The following UBE2D4 variants were observed in gnomAD, a reference collection of about 807,000 sequenced individuals.
The protein encoded by UBE2D4 is ubiquitin conjugating enzyme E2 D4.
In UBE2D4, 17 loss-of-function variants were observed where a neutral mutation model predicts 23.0. The ratio of observed to expected loss-of-function variants is 0.74; its 90% confidence interval spans 0.51 to 1.11. The LOEUF is 1.11. Among genes scored for constraint, UBE2D4 ranks in the 50% least tolerant of loss-of-function variants. The probability of loss-of-function intolerance (pLI) is 0.00; values close to 1 mark genes in which losing one functional copy is unlikely to be tolerated. For synonymous variants in UBE2D4, 61 were observed against 69.4 expected (o/e 0.88, Z 0.60); for missense variants, 139 against 181.8 (o/e 0.76, Z 1.35).
At chr7:43,943,157 C>A in intron 4 of UBE2D4, 126 bp downstream of exon 4, 2 of 916,234 alleles carry the variant, frequency 2.2e-6, no homozygotes, top group Non-Finnish European at 1.8e-6. Flanking sequence ...ACTGCTCCAC[C>A]CTGTGGTGAG....
At position 43,942,976 on chromosome 7, in the gene UBE2D4, G is replaced by A; in HGVS notation, c.143G>A (p.Gly48Asp). 1 of 1,614,168 alleles carries A rather than the reference G, an allele frequency of 6.2e-7. No individual in the cohort carries two copies. The highest frequency in any genetic ancestry group is 8.5e-7 in the Non-Finnish European group (1 of 1,180,024). Residue 48 changes from glycine to aspartate, a missense_variant, in exon 4 of 7, where the codon GGT becomes GAT. Gly to Asp is a moderately conservative substitution (Grantham distance 94). Coordinates refer to ENST00000222402, the MANE Select transcript of UBE2D4 (RefSeq NM_015983.4). Reference protein sequence around the residue: ...MGPNDSPYQGGVFFLTIHFPT... With the variant: ...MGPNDSPYQGDVFFLTIHFPT... ...CAGAATGACAGTCCTTACCAAGGAG[G>A]TGTTTTCTTCCTGACCATCCACTTT...
At chr7:43,938,165 G>A (rs2095962714) in intron 1 of UBE2D4, among the ~76,000 whole-genome samples, 1 of 152,068 alleles carries the variant, frequency 6.6e-6, no homozygotes, top group Non-Finnish European at 1.5e-5. Flanking sequence ...TTCTTGCCCT[G>A]CCCTCTTCCA....
chr7:43,946,553 G>A (rs531831123), intron 4 of UBE2D4, among the ~76,000 whole-genome samples: 6 of 151,978 alleles, frequency 3.9e-5, no homozygotes, highest in Non-Finnish European at 5.9e-5. Flanking sequence ...AGACCTTTCC[G>A]TGAATCTGCA....
chr7:43,938,564 G>C (rs564996507), intron 2 of UBE2D4, 70 bp downstream of exon 2: 1 of 1,478,708 alleles, frequency 6.8e-7, no homozygotes, highest in African/African-American at 1.4e-5. Flanking sequence ...GGCCAGGTGC[G>C]GTGGCTCACG....
At chr7:43,932,725 G>A (rs1319167469) in intron 1 of UBE2D4, among the ~76,000 whole-genome samples, 1 of 151,850 alleles carries the variant, frequency 6.6e-6, no homozygotes, top group East Asian at 1.9e-4. Flanking sequence ...CCCAGGAGAT[G>A]GAGGTTGCAG....
chr7:43,933,728 A>C (rs1261395685), intron 1 of UBE2D4, among the ~76,000 whole-genome samples: 1 of 152,196 alleles, frequency 6.6e-6, no homozygotes, highest in Non-Finnish European at 1.5e-5. Context: ...TGGGCAACAC[A>C]GTGAGACCCT....
In UBE2D4 at chr7:43,948,863, G is replaced by A; in HGVS notation, c.304+126G>A. ...CCCAGGTCACATAGCCCTGTCCACTGCTGTGCCCTTAAGTGGATATCCTTA... is the reference window on the plus strand; with the variant it reads ...CCCAGGTCACATAGCCCTGTCCACTACTGTGCCCTTAAGTGGATATCCTTA... On this transcript the variant is annotated intron_variant, in intron 5 of 6. Transcript: ENST00000222402. The A allele has an allele frequency of 4.1e-6, 3 of 726,086 alleles. No individual in the cohort carries two copies. In the South Asian group the frequency reaches 4.7e-5, roughly 11 times the overall value. The allele number at this position is 726,086 out of a possible 1,614,324, so 45.0% of individuals were successfully genotyped here. A position where few individuals can be genotyped will look rare whatever the true frequency, so the allele number is the denominator to read the frequency against.
chr7:43,926,672 G>A lies in UBE2D4; in HGVS notation c.24+116G>A, dbSNP rs529534021. ...GGCTCCGCGAGTCGCGGATACACCT[G>A]CCTGGGAAGGAGGCAGAACAGCCTC... On this transcript the variant is annotated intron_variant, in intron 1 of 6. Coordinates refer to ENST00000222402, the MANE Select transcript of UBE2D4 (RefSeq NM_015983.4). The A allele has an allele frequency of 3.7e-5, 42 of 1,148,580 alleles. No homozygotes were observed. The Admixed American group carries it at 1.3e-3, about 36-fold the overall frequency. 71.1% of individuals were successfully genotyped at this position (1,148,580 alleles called of 1,614,324 possible).
chr7:43,927,531 C>G (rs1157802971), intron 1 of UBE2D4, among the ~76,000 whole-genome samples: 1 of 152,140 alleles, frequency 6.6e-6, no homozygotes, highest in Non-Finnish European at 1.5e-5. Context: ...TCTCATACTC[C>G]TGGGCTTAAG....
chr7:43,938,377 T>C (rs751788479), intron 1 of UBE2D4, 54 bp from the exon 2 acceptor site: 1 of 1,545,372 alleles, frequency 6.5e-7, no homozygotes, highest in Non-Finnish European at 8.9e-7. Context: ...GATTGGTATG[T>C]AGAGGCAGCA....
chr7:43,946,856 C>A (rs947339637), intron 4 of UBE2D4, among the ~76,000 whole-genome samples: 1 of 151,824 alleles, frequency 6.6e-6, no homozygotes, highest in Non-Finnish European at 1.5e-5. Flanking sequence ...GGCAGAGGGT[C>A]CACGGCCTGA....
chr7:43,931,616 G>GC (rs1225000567), intron 1 of UBE2D4, among the ~76,000 whole-genome samples: 5 of 138,374 alleles, frequency 3.6e-5, no homozygotes, highest in Non-Finnish European at 7.9e-5. Flanking sequence ...GGGGTGGGGG[G>GC]GCGGGGGGGG....
chr7:43,928,219 C>T (rs2095937319), intron 1 of UBE2D4: 1 of 305,282 alleles, frequency 3.3e-6, no homozygotes, highest in South Asian at 2.5e-5. Context: ...CCAAGCCATT[C>T]ATGAGGAATC....
At chr7:43,937,797 A>G (rs2095961771) in intron 1 of UBE2D4, among the ~76,000 whole-genome samples, 1 of 152,166 alleles carries the variant, frequency 6.6e-6, no homozygotes, top group Non-Finnish European at 1.5e-5. Flanking sequence ...TTGGTGTCCC[A>G]TAAAGGGAAT....
chr7:43,936,548 A>G (rs1248631610), intron 1 of UBE2D4, among the ~76,000 whole-genome samples: 1 of 152,126 alleles, frequency 6.6e-6, no homozygotes, highest in Non-Finnish European at 1.5e-5. Flanking sequence ...TGTGCACAGG[A>G]TATACAGGGA....
chr7:43,949,329 G>A (rs1269619015), intron 5 of UBE2D4: 2 of 152,470 alleles, frequency 1.3e-5, no homozygotes, highest in African/African-American at 4.8e-5. Flanking sequence ...GCAGTATCCT[G>A]GCAGGTGGAG....
intron 1 of UBE2D4, among the ~76,000 whole-genome samples, chr7:43,930,995 G>C (rs1377492767): frequency 6.6e-6 from 1 of 151,970 alleles, no homozygotes; most frequent in Non-Finnish European, 1.5e-5. Context: ...ATGGTGGCAT[G>C]TGCCTGTAAT....
Position 43,944,756 on chromosome 7 carries a change from C to T in UBE2D4, c.198+1725C>T, listed in dbSNP as rs970675561. ...GTTCAAGGGAGTTTGGTTGAAAAAT[C>T]ATAAGCATGCTTCATGGTGCTGTGA... is the stretch of plus-strand genomic sequence containing the variant. On this transcript the variant is annotated intron_variant, in intron 4 of 6. Coordinates refer to ENST00000222402, the MANE Select transcript of UBE2D4 (RefSeq NM_015983.4). The surrounding 1 kb of genome is among the most constrained non-coding windows in gnomAD (Gnocchi z 4.0). 6.6e-6 allele frequency: 1 copy of T among 152,192 alleles called. No homozygotes were observed. Among genetic ancestry groups the T allele is most frequent in the Non-Finnish European group, 1.5e-5 (1 of 68,060 alleles). The allele number at this position is 152,192 out of a possible 1,614,324, so 9.4% of individuals were successfully genotyped here.
chr7:43,949,096 G>C (rs2095995460), intron 5 of UBE2D4: 1 of 344,824 alleles, frequency 2.9e-6, no homozygotes, highest in African/African-American at 2.1e-5. Flanking sequence ...AGCACAAAAC[G>C]GACTGTGAGT....
Sources: allele counts gnomAD v4.1 joint callset (sites outside exome capture counted in the v4.1 genomes callset), GRCh38; gene constraint gnomAD v4.1.1; non-coding constraint Gnocchi (gnomAD v3.1); transcripts MANE v1.5; gene names NCBI Gene and HGNC (gene_info 2026-07-23, HGNC 2026-07-21).